The following MALRD1 variants were observed in gnomAD, a reference collection of about 807,000 sequenced individuals.
The protein encoded by MALRD1 is MAM and LDL-receptor class A domain-containing protein 1.
A neutral mutation model predicts 242.1 loss-of-function variants in MALRD1; 247 were observed. The observed-to-expected ratio is 1.02, with a 90% CI of 0.92 to 1.13. The LOEUF (loss-of-function observed/expected upper bound fraction) is 1.13, where lower values mean the gene tolerates loss of function less well. MALRD1 is among the 50% of genes most tolerant of loss of function. MALRD1 has a pLI of 0.00. For missense variants in MALRD1, 2,989 were observed against 2,533.1 expected (o/e 1.18, Z -3.86); for synonymous variants, 995 against 866.6 (o/e 1.15, Z -2.60).
At chr10:19,047,409 C>T (rs1432061472), upstream of MALRD1, among the ~76,000 whole-genome samples, 2 of 150,594 alleles carry the variant, frequency 1.3e-5, no homozygotes, top group East Asian at 3.9e-4. Context: ...GGAAGAAGTG[C>T]ATATCAGGAT....
At chr10:19,083,279 C>T (rs1835553898) in intron 2 of MALRD1, among the ~76,000 whole-genome samples, 1 of 151,992 alleles carries the variant, frequency 6.6e-6, no homozygotes, top group Non-Finnish European at 1.5e-5. Context: ...GATAACTCTG[C>T]ATTAGTTTCC....
intron 36 of MALRD1, among the ~76,000 whole-genome samples, chr10:19,631,469 C>G (rs1839902035): frequency 6.6e-6 from 1 of 152,126 alleles, no homozygotes; most frequent in African/African-American, 2.4e-5. Context: ...ATGCATGTGT[C>G]TTTATGGTAG....
chr10:19,222,169 C>T (rs1255987669), intron 18 of MALRD1, among the ~76,000 whole-genome samples: 4 of 151,966 alleles, frequency 2.6e-5, no homozygotes, highest in Admixed American at 6.6e-5. Context: ...CCCTCCCTCC[C>T]TCTCTCTTTT....
chr10:19,344,544 C>T (rs776131322), intron 24 of MALRD1, among the ~76,000 whole-genome samples: 1 of 151,978 alleles, frequency 6.6e-6, no homozygotes, highest in Non-Finnish European at 1.5e-5. Flanking sequence ...GTCTGGTTAA[C>T]TAAAGCTGTA....
chr10:19,566,983 C>A (rs1836284238), intron 32 of MALRD1, among the ~76,000 whole-genome samples: 3 of 151,956 alleles, frequency 2.0e-5, no homozygotes, highest in Admixed American at 2.0e-4. Context: ...TTGTTAGTCA[C>A]TGAACTATTA....
intron 29 of MALRD1, among the ~76,000 whole-genome samples, chr10:19,458,709 T>G (rs1835786808): frequency 2.0e-5 from 3 of 152,134 alleles, no homozygotes; most frequent in African/African-American, 7.2e-5. Context: ...ATATTTAAAA[T>G]GTAGTGTACA....
At chr10:19,295,370 A>T (rs2131937522) in intron 21 of MALRD1, among the ~76,000 whole-genome samples, 1 of 152,106 alleles carries the variant, frequency 6.6e-6, no homozygotes, top group South Asian at 2.1e-4. Context: ...CTAATTTGAC[A>T]AGTTAAAATA....
intron 26 of MALRD1, among the ~76,000 whole-genome samples, chr10:19,364,460 T>G (rs1247995507): frequency 1.3e-5 from 2 of 152,142 alleles, no homozygotes; most frequent in African/African-American, 4.8e-5. Flanking sequence ...CTAAGTAATA[T>G]ATGTGTTTGT....
intron 18 of MALRD1, among the ~76,000 whole-genome samples, chr10:19,225,939 A>G (rs1396340426): frequency 6.6e-6 from 1 of 152,122 alleles, no homozygotes; most frequent in Non-Finnish European, 1.5e-5. Context: ...GCCACAGGTA[A>G]TGACAGCTTC....
At chr10:19,574,606 G>T (rs921274947) in intron 33 of MALRD1, among the ~76,000 whole-genome samples, 1 of 152,160 alleles carries the variant, frequency 6.6e-6, no homozygotes. Context: ...TGAAATTTTG[G>T]AGAGCTTGGT....
At chr10:19,471,814 G>T (rs1487800116) in intron 29 of MALRD1, among the ~76,000 whole-genome samples, 2 of 151,388 alleles carry the variant, frequency 1.3e-5, no homozygotes, top group Admixed American at 6.6e-5. Flanking sequence ...TTCTAACAGG[G>T]TTTTCTTTGT....
chr10:19,678,617 C>G (rs900266072), intron 36 of MALRD1, among the ~76,000 whole-genome samples: 1 of 148,216 alleles, frequency 6.7e-6, no homozygotes, highest in Admixed American at 6.7e-5. Flanking sequence ...ATCTGTAATT[C>G]TTGCTATTTG....
chr10:19,157,408 G>A (rs968693500), intron 12 of MALRD1, among the ~76,000 whole-genome samples: 7 of 151,334 alleles, frequency 4.6e-5, no homozygotes, highest in South Asian at 2.1e-4. Context: ...CACCACTCCC[G>A]GCTAATTTTT....
chr10:19,188,294 G>A (rs781370136), intron 14 of MALRD1, among the ~76,000 whole-genome samples: 6 of 152,178 alleles, frequency 3.9e-5, no homozygotes, highest in Non-Finnish European at 8.8e-5. Context: ...AAACTGGGAC[G>A]TGGCTTAACA....
chr10:19,695,220 T>G lies in MALRD1; in HGVS notation c.6314+2666T>G, dbSNP rs149599820. 6.5e-3 allele frequency among the ~76,000 whole-genome samples: 996 copies of G among 152,164 alleles called. 98 individuals are homozygous for G. In the East Asian group the frequency reaches 0.17, roughly 27 times the overall value. On this transcript the variant is annotated intron_variant, in intron 38 of 39. Coordinates refer to ENST00000454679, the MANE Select transcript of MALRD1 (RefSeq NM_001142308.3). ...ATGTACCCTAGAACTTAAAGTATAA[T>G]AAAAACTATATAAATATATATGAAA...
intron 19 of MALRD1, among the ~76,000 whole-genome samples, chr10:19,269,053 A>G (rs146463753): frequency 2.0e-5 from 3 of 152,178 alleles, no homozygotes; most frequent in African/African-American, 7.2e-5. Flanking sequence ...TTTTTGTTTC[A>G]TCGGCAAAGA....
chr10:19,113,816 C>CACACAG (rs1554791208), intron 5 of MALRD1, among the ~76,000 whole-genome samples: 2 of 147,396 alleles, frequency 1.4e-5, no homozygotes, highest in African/African-American at 5.0e-5. Flanking sequence ...CACACACACA[C>CACACAG]ACACACACAC....
intron 28 of MALRD1, among the ~76,000 whole-genome samples, chr10:19,450,075 A>C (rs929766486): frequency 2.0e-5 from 3 of 152,180 alleles, no homozygotes; most frequent in Admixed American, 6.5e-5. Flanking sequence ...TTGGAGCAGT[A>C]TTACGAGCCC....
At chr10:19,661,303 A>G (rs564186278) in intron 36 of MALRD1, among the ~76,000 whole-genome samples, 2 of 152,238 alleles carry the variant, frequency 1.3e-5, no homozygotes, top group Non-Finnish European at 2.9e-5. Context: ...CCAAAGGATT[A>G]TAAATCATAC....
Sources: gnomAD v4.1 joint callset for allele counts (sites outside exome capture counted in the v4.1 genomes callset) on GRCh38, gnomAD v4.1.1 for gene constraint, MANE v1.5 for transcripts, NCBI Gene and HGNC (gene_info 2026-07-23, HGNC 2026-07-21) for gene names.